Variants in SLC9A1 observed in about 807,000 individuals in gnomAD.
SLC9A1 encodes the protein solute carrier family 9 member A1, also known as sodium/hydrogen exchanger 1.
SLC9A1 carries 22 observed loss-of-function variants against 67.9 expected under a neutral mutation model. The observed-to-expected ratio is 0.32, with a 90% CI of 0.23 to 0.46. The LOEUF is 0.46. SLC9A1 is among the 20% of genes least tolerant of loss of function. The probability of loss-of-function intolerance (pLI) is 1.00; values close to 1 mark genes in which losing one functional copy is unlikely to be tolerated. For missense variants in SLC9A1, 686 were observed against 1,094.8 expected, an observed-to-expected ratio of 0.63 and a Z score of 5.27; for synonymous variants, 421 against 471.8, an observed-to-expected ratio of 0.89 and a Z score of 1.40.
chr1:27,114,177 G>T lies in SLC9A1; in HGVS notation c.462C>A (p.Pro154=). Residue 154 remains proline, a synonymous_variant, in exon 2 of 12, where the codon CCC becomes CCA. Transcript: ENST00000263980. This position sits in a 1 kb window ranked among gnomAD's most constrained non-coding sequence, Gnocchi z 5.4. ...GGAAGAAGACGTCGGACTGCAGGAA[G>T]GGGGGTGTCTCGCCTACACCCTTGA... The part of the protein sequence containing the change: ...GLIKGVGETP[P]FLQSDVFFLF... 1 of 1,614,122 alleles carries T rather than the reference G, an allele frequency of 6.2e-7. No homozygotes were observed. The highest frequency in any genetic ancestry group is 8.5e-7 in the Non-Finnish European group (1 of 1,179,968).
At chr1:27,107,998 G>A (rs1341028742) in intron 3 of SLC9A1, 133 bp from the exon 4 acceptor site, 3 of 655,664 alleles carry the variant, frequency 4.6e-6, no homozygotes, top group Non-Finnish European at 8.2e-6. Flanking sequence ...GGGGCCCGCT[G>A]TGTGCTTTAC....
chr1:27,126,969 G>A (rs2083348661), intron 1 of SLC9A1, among the ~76,000 whole-genome samples: 2 of 152,146 alleles, frequency 1.3e-5, no homozygotes, highest in Non-Finnish European at 1.5e-5. Context: ...ACAGGGAAAC[G>A]AGTGTGGTAC....
chr1:27,104,632 T>A (rs1004176813), intron 5 of SLC9A1, among the ~76,000 whole-genome samples: 2 of 147,584 alleles, frequency 1.4e-5, no homozygotes, highest in African/African-American at 5.0e-5. Flanking sequence ...CAAGGGATCC[T>A]CCTGCCTCGG....
intron 1 of SLC9A1, among the ~76,000 whole-genome samples, chr1:27,139,412 G>A (rs1159644972): frequency 1.3e-5 from 2 of 152,184 alleles, no homozygotes; most frequent in Non-Finnish European, 2.9e-5. Context: ...TAAAGTAGCT[G>A]TAAGCTAAAT....
In SLC9A1 at chr1:27,102,145, C is replaced by A; in HGVS notation, c.1821-15G>T. 1 of 1,594,678 alleles carries A rather than the reference C, an allele frequency of 6.3e-7. No individual in the cohort carries two copies. The highest frequency in any genetic ancestry group is 8.6e-7 in the Non-Finnish European group (1 of 1,162,510). On this transcript the variant is annotated splice_polypyrimidine_tract_variant and intron_variant, in intron 8 of 11. Transcript: ENST00000263980. ...GGTGGATGTTCCTGGGGCAATAGGG[C>A]ATCGGTTAGGTCCCCAAGATTCTTG...
chr1:27,131,620 C>T (rs904418631), intron 1 of SLC9A1, among the ~76,000 whole-genome samples: 76 of 151,286 alleles, frequency 5.0e-4, no homozygotes, highest in Non-Finnish European at 9.0e-4. Flanking sequence ...TGGTGGCGCG[C>T]GCCTGTAGTC....
intron 1 of SLC9A1, among the ~76,000 whole-genome samples, chr1:27,147,651 AAAAAC>A (rs752617359): frequency 1.3e-5 from 2 of 152,158 alleles, no homozygotes; most frequent in South Asian, 2.1e-4. Flanking sequence ...CCATCTCTAA[AAAAAC>A]AAAACAAAAC....
rs1398862366 is a variant in SLC9A1, at chr1:27,109,246, T to G, written c.1064+281A>C. On this transcript the variant is annotated intron_variant, in intron 3 of 11. Transcript: ENST00000263980. The surrounding 1 kb of genome is among the most constrained non-coding windows in gnomAD (Gnocchi z 5.5). The stretch of plus-strand genomic sequence containing the variant: ...CTCCTATACCCTGGGCTTGCCTTCA[T>G]GCAGGTCATTCTTGCTTCATCTGCT... Among the ~76,000 whole-genome samples, 2 of 152,178 alleles carry G rather than the reference T, an allele frequency of 1.3e-5. No homozygotes were observed. The highest frequency in any genetic ancestry group is 3.9e-4 in the East Asian group (2 of 5,178).
intron 2 of SLC9A1, among the ~76,000 whole-genome samples, chr1:27,110,490 G>A (rs147776765): frequency 2.7e-3 from 415 of 152,292 alleles, no homozygotes; most frequent in Non-Finnish European, 4.9e-3. Context: ...AGAGGCTAAG[G>A]CATCCCTGTC....
chr1:27,101,595 G>A lies in SLC9A1; in HGVS notation c.2037+130C>T, dbSNP rs1406639721. On this transcript the variant is annotated intron_variant, in intron 10 of 11. Transcript: ENST00000263980. The surrounding 1 kb of genome is among the most constrained non-coding windows in gnomAD (Gnocchi z 4.9). ...TTGCTTAGAACTCATGGCTCTCCAT[G>A]CCCTTACACTGCTAAAAGCCCCTCG... 5.8e-6 allele frequency: 4 copies of A among 691,676 alleles called. No individual in the cohort carries two copies. The highest frequency in any genetic ancestry group is 2.4e-4 in the Middle Eastern group (1 of 4,152). The allele number at this position is 691,676 out of a possible 1,614,324, so 42.8% of individuals were successfully genotyped here.
chr1:27,103,834 T>C (rs1388099836), intron 5 of SLC9A1: 3 of 157,670 alleles, frequency 1.9e-5, no homozygotes, highest in African/African-American at 7.2e-5. Flanking sequence ...ATTGTCTCTA[T>C]TTAACAGATG....
chr1:27,144,294 C>A (rs956343499), intron 1 of SLC9A1, among the ~76,000 whole-genome samples: 3 of 152,208 alleles, frequency 2.0e-5, no homozygotes, highest in Non-Finnish European at 4.4e-5. Flanking sequence ...CTCGGCAGCT[C>A]CCCAAGGAAG....
At chr1:27,147,299 CAAAAAAAAAAAA>C (rs57583944) in intron 1 of SLC9A1, among the ~76,000 whole-genome samples, 1 of 43,958 alleles carries the variant, frequency 2.3e-5, no homozygotes, top group African/African-American at 1.0e-4. Flanking sequence ...GACTCTGTCT[CAAAAAAAAAAAA>C]AAAAAAAAAA....
intron 1 of SLC9A1, among the ~76,000 whole-genome samples, chr1:27,117,701 C>G (rs962449820): frequency 7.2e-5 from 11 of 152,186 alleles, no homozygotes; most frequent in African/African-American, 2.7e-4. Context: ...CACCACAGCC[C>G]TTGGGATAGG....
At chr1:27,134,148 G>A (rs1208169958) in intron 1 of SLC9A1, among the ~76,000 whole-genome samples, 1 of 152,104 alleles carries the variant, frequency 6.6e-6, no homozygotes, top group Admixed American at 6.5e-5. Flanking sequence ...GCTGAGCTCT[G>A]GCCCAGAGAG....
At chr1:27,117,109 G>C (rs1354249009) in intron 1 of SLC9A1, among the ~76,000 whole-genome samples, 1 of 152,104 alleles carries the variant, frequency 6.6e-6, no homozygotes, top group Non-Finnish European at 1.5e-5. Context: ...CACCCACCGA[G>C]ATCAGTCAGA....
intron 5 of SLC9A1, chr1:27,103,595 A>G: frequency 2.1e-6 from 1 of 479,894 alleles, no homozygotes; most frequent in Non-Finnish European, 3.8e-6. Context: ...CTGGGTTCAG[A>G]TGTGGACTGC....
intron 1 of SLC9A1, among the ~76,000 whole-genome samples, chr1:27,135,218 TTTTTA>T (rs2083412003): frequency 6.6e-6 from 1 of 151,690 alleles, no homozygotes; most frequent in Non-Finnish European, 1.5e-5. Flanking sequence ...CCCTACTAAT[TTTTTA>T]TTTTATTTTT....
At chr1:27,122,055 C>T (rs2083307823) in intron 1 of SLC9A1, among the ~76,000 whole-genome samples, 1 of 152,162 alleles carries the variant, frequency 6.6e-6, no homozygotes, top group Non-Finnish European at 1.5e-5. Flanking sequence ...GCGCAGGTTG[C>T]AGTGAGCCAA....
Sources: gnomAD v4.1 joint callset for allele counts (sites outside exome capture counted in the v4.1 genomes callset) on GRCh38, gnomAD v4.1.1 for gene constraint, Gnocchi (gnomAD v3.1) non-coding constraint, MANE v1.5 for transcripts, NCBI Gene and HGNC (gene_info 2026-07-23, HGNC 2026-07-21) for gene names.